Variants in CSMD1 observed in about 807,000 individuals in gnomAD.
The protein encoded by CSMD1 is CUB and Sushi multiple domains 1, also known as CUB and sushi domain-containing protein 1.
CSMD1 carries 213 observed loss-of-function variants against 417.5 expected under a neutral mutation model. That is an observed-to-expected ratio of 0.51 (90% CI 0.46 to 0.57). The LOEUF (loss-of-function observed/expected upper bound fraction) is 0.57. Ranked by LOEUF, CSMD1 falls within the 20% of genes least tolerant of loss-of-function variation. The pLI, the probability that CSMD1 is intolerant of heterozygous loss-of-function variation, is 0.00. For synonymous variants in CSMD1, 2,862 were observed against 1,736.8 expected (o/e 1.65, Z -16.11); for missense variants, 6,923 against 4,529.7 (o/e 1.53, Z -15.17).
chr8:3,781,189 T>C (rs1799160282), intron 5 of CSMD1, among the ~76,000 whole-genome samples: 1 of 152,202 alleles, frequency 6.6e-6, no homozygotes, highest in Admixed American at 6.5e-5. Context: ...TAACTCACAG[T>C]ACAAAGTGAT....
intron 41 of CSMD1, among the ~76,000 whole-genome samples, chr8:3,141,609 G>A (rs938280304): frequency 6.6e-6 from 1 of 152,054 alleles, no homozygotes; most frequent in South Asian, 2.1e-4. Flanking sequence ...CAGTGCTTGA[G>A]ATATGTTGCA....
At chr8:3,783,036 T>A (rs1464403773) in intron 5 of CSMD1, among the ~76,000 whole-genome samples, 1 of 152,152 alleles carries the variant, frequency 6.6e-6, no homozygotes, top group Non-Finnish European at 1.5e-5. Flanking sequence ...GCGTTCATCT[T>A]CTGTACTGAC....
intron 26 of CSMD1, among the ~76,000 whole-genome samples, chr8:3,232,410 A>G (rs950789989): frequency 6.6e-6 from 1 of 152,196 alleles, no homozygotes; most frequent in African/African-American, 2.4e-5. Flanking sequence ...ACATTTAGGC[A>G]TGATGCTCTG....
chr8:4,645,136 T>A (rs1225680898), intron 1 of CSMD1, among the ~76,000 whole-genome samples: 1 of 152,140 alleles, frequency 6.6e-6, no homozygotes, highest in African/African-American at 2.4e-5. Flanking sequence ...TACTCCCTGC[T>A]TTATGGGAAG....
chr8:3,626,600 G>C (rs953231843), intron 7 of CSMD1, among the ~76,000 whole-genome samples: 10 of 151,490 alleles, frequency 6.6e-5, no homozygotes, highest in Non-Finnish European at 1.0e-4. Context: ...AAAACCATGA[G>C]ATATGATTTG....
At chr8:3,231,078 C>G (rs761393697) in intron 26 of CSMD1, among the ~76,000 whole-genome samples, 11 of 152,124 alleles carry the variant, frequency 7.2e-5, no homozygotes, top group Non-Finnish European at 4.4e-5. Flanking sequence ...AAGGCTACCG[C>G]AAGCCCAGAG....
At chr8:4,464,380 T>G (rs913120192) in intron 2 of CSMD1, among the ~76,000 whole-genome samples, 2 of 152,180 alleles carry the variant, frequency 1.3e-5, no homozygotes, top group Admixed American at 1.3e-4. Context: ...GAAAATGCAT[T>G]TAATATACCT....
At chr8:3,040,396 A>ATATATATG (rs1270946151) in intron 50 of CSMD1, among the ~76,000 whole-genome samples, 3 of 128,698 alleles carry the variant, frequency 2.3e-5, no homozygotes, top group African/African-American at 3.9e-5. Context: ...AAATATATAT[A>ATATATATG]TATATATATA....
intron 2 of CSMD1, among the ~76,000 whole-genome samples, chr8:4,424,543 A>C (rs1280214281): frequency 6.6e-6 from 1 of 152,070 alleles, no homozygotes; most frequent in African/African-American, 2.4e-5. Flanking sequence ...ATAAATAATG[A>C]CAACATCACA....
intron 27 of CSMD1, among the ~76,000 whole-genome samples, chr8:3,229,425 A>C (rs1585721791): frequency 6.6e-6 from 1 of 152,238 alleles, no homozygotes; most frequent in East Asian, 1.9e-4. Context: ...TAAAATATAT[A>C]TTAGCCTACA....
intron 1 of CSMD1, among the ~76,000 whole-genome samples, chr8:4,866,916 A>C (rs1802452061): frequency 6.6e-6 from 1 of 151,972 alleles, no homozygotes; most frequent in Admixed American, 6.6e-5. Flanking sequence ...CCATTATTTT[A>C]ATGGCAAAAA....
At chr8:3,973,518 A>G (rs1238551239) in intron 5 of CSMD1, among the ~76,000 whole-genome samples, 2 of 152,240 alleles carry the variant, frequency 1.3e-5, no homozygotes, top group Non-Finnish European at 1.5e-5. Flanking sequence ...TCATTCTGGT[A>G]TAAGAACAAA....
intron 15 of CSMD1, 135 bp downstream of exon 15, chr8:3,405,892 G>C (rs1812315659): frequency 9.1e-6 from 7 of 767,924 alleles, no homozygotes; most frequent in Middle Eastern, 7.7e-4. Context: ...GTACACTCCT[G>C]TTGGTTAAGT....
intron 2 of CSMD1, among the ~76,000 whole-genome samples, chr8:4,420,663 A>G (rs1390915296): frequency 1.3e-5 from 2 of 152,154 alleles, no homozygotes; most frequent in African/African-American, 4.8e-5. Flanking sequence ...GTTGGATTCC[A>G]AGCTGTGCTC....
chr8:4,759,891 A>T (rs1811931376), intron 1 of CSMD1, among the ~76,000 whole-genome samples: 1 of 152,206 alleles, frequency 6.6e-6, no homozygotes, highest in Non-Finnish European at 1.5e-5. Context: ...ATGTGTATTT[A>T]TAATAGCATG....
At chr8:3,771,757 G>A (rs1034270748) in intron 5 of CSMD1, among the ~76,000 whole-genome samples, 4 of 152,136 alleles carry the variant, frequency 2.6e-5, no homozygotes, top group Non-Finnish European at 5.9e-5. Flanking sequence ...GTGTTCAAAT[G>A]ACAGCATCAT....
intron 3 of CSMD1, among the ~76,000 whole-genome samples, chr8:4,299,007 T>C (rs1797836813): frequency 6.6e-6 from 1 of 152,000 alleles, no homozygotes; most frequent in Non-Finnish European, 1.5e-5. Context: ...TGATGTTAAA[T>C]TTGCCATTTA....
At chr8:4,300,141 A>C (rs1797901157) in intron 3 of CSMD1, among the ~76,000 whole-genome samples, 2 of 152,174 alleles carry the variant, frequency 1.3e-5, no homozygotes, top group South Asian at 4.1e-4. Flanking sequence ...TTGACTGCAT[A>C]GTTATCTTTC....
chr8:3,944,821 T>A (rs1242743241), intron 5 of CSMD1, among the ~76,000 whole-genome samples: 1 of 152,180 alleles, frequency 6.6e-6, no homozygotes, highest in Non-Finnish European at 1.5e-5. Flanking sequence ...CCCCCGCCAA[T>A]CCAATAATTA....
Sources: gnomAD v4.1 joint callset for allele counts (sites outside exome capture counted in the v4.1 genomes callset) on GRCh38, gnomAD v4.1.1 for gene constraint, MANE v1.5 for transcripts, NCBI Gene and HGNC (gene_info 2026-07-23, HGNC 2026-07-21) for gene names.